Variants in EAF2 observed in about 807,000 individuals in gnomAD.
EAF2 encodes the protein ELL associated factor 2.
Under a neutral mutation model 29.4 loss-of-function variants are expected in EAF2, and 29 were observed. The ratio of observed to expected loss-of-function variants is 0.99; its 90% CI spans 0.73 to 1.35. The LOEUF (loss-of-function observed/expected upper bound fraction) is 1.35, where lower values mean the gene tolerates loss of function less well. EAF2 is among the 40% of genes most tolerant of loss of function. EAF2 has a pLI of 0.00. For synonymous variants in EAF2, 103 were observed against 102.5 expected, an observed-to-expected ratio of 1.00 and a Z score of -0.03; for missense variants, 292 against 312.0, an observed-to-expected ratio of 0.94 and a Z score of 0.48.
At chr3:121,853,159 C>T (rs934104840) in intron 2 of EAF2, among the ~76,000 whole-genome samples, 11 of 152,124 alleles carry the variant, frequency 7.2e-5, no homozygotes, top group Non-Finnish European at 4.4e-5. Context: ...TGTGCCATTT[C>T]ATCAATGCTT....
intron 5 of EAF2, among the ~76,000 whole-genome samples, chr3:121,882,785 T>TA (rs1324076110): frequency 2.1e-5 from 2 of 95,608 alleles, no homozygotes; most frequent in East Asian, 4.5e-4. Flanking sequence ...TGGGAGGTGG[T>TA]GGTTTTTTTT....
intron 4 of EAF2, among the ~76,000 whole-genome samples, chr3:121,862,403 A>G: frequency 6.6e-6 from 1 of 151,938 alleles, no homozygotes; most frequent in Admixed American, 6.6e-5. Flanking sequence ...TTCTCTTCTC[A>G]CTTCATTTCA....
intron 4 of EAF2, among the ~76,000 whole-genome samples, chr3:121,862,391 ACTT>A (rs1211976627): frequency 2.0e-5 from 3 of 151,878 alleles, no homozygotes; most frequent in Non-Finnish European, 4.4e-5. Flanking sequence ...TTTACTCTAA[ACTT>A]CTCTTCTCAC....
At chr3:121,835,519 G>A (rs1576631554) in intron 1 of EAF2, 128 bp downstream of exon 1, 2 of 804,248 alleles carry the variant, frequency 2.5e-6, no homozygotes, top group African/African-American at 3.4e-5. Flanking sequence ...GGGGAGGGGG[G>A]AGGCAGCGCG....
At chr3:121,847,833 A>G (rs1336395825) in intron 2 of EAF2, among the ~76,000 whole-genome samples, 1 of 152,140 alleles carries the variant, frequency 6.6e-6, no homozygotes, top group Non-Finnish European at 1.5e-5. Context: ...ATTAGTTTTT[A>G]GGAAGGCCTG....
In EAF2 at chr3:121,863,404, C is replaced by T. The variant is rs183969206; in HGVS notation, c.484+6248C>T. On this transcript the variant is annotated intron_variant, in intron 4 of 5. Transcript: ENST00000273668. Reference sequence around the variant, plus strand: ...CTACTCAAGTCTCAGCAATGGTGGACGCCCCTACCTCAGCCTCACTGCTGC... The same window carrying T: ...CTACTCAAGTCTCAGCAATGGTGGATGCCCCTACCTCAGCCTCACTGCTGC... Among the ~76,000 whole-genome samples the T allele has an allele frequency of 1.3e-3, 191 of 152,238 alleles. 2 individuals are homozygous for T. Among genetic ancestry groups the T allele is most frequent in the African/African-American group, 4.1e-3 (171 of 41,546 alleles).
intron 5 of EAF2, among the ~76,000 whole-genome samples, chr3:121,883,617 C>T (rs1336352099): frequency 6.6e-6 from 1 of 152,194 alleles, no homozygotes; most frequent in East Asian, 1.9e-4. Flanking sequence ...TCATCCATTG[C>T]AAGACATTTA....
intron 2 of EAF2, among the ~76,000 whole-genome samples, chr3:121,845,834 G>C (rs761336292): frequency 1.3e-5 from 2 of 152,144 alleles, no homozygotes; most frequent in Non-Finnish European, 2.9e-5. Flanking sequence ...AAAATTTCCA[G>C]ATGTATCCAA....
chr3:121,872,579 G>T lies in EAF2; in HGVS notation c.527G>T (p.Cys176Phe). 6.2e-7 allele frequency: 1 copy of T among 1,612,524 alleles called. No homozygotes were observed. The highest frequency in any genetic ancestry group is 8.5e-7 in the Non-Finnish European group (1 of 1,178,940). The change falls in exon 5 of 6, where the codon TGT (cysteine) becomes TTT (phenylalanine). Residue 176 changes from cysteine to phenylalanine, a missense_variant. Cys to Phe is a radical substitution (Grantham distance 205). Coordinates refer to ENST00000273668, the MANE Select transcript of EAF2 (RefSeq NM_018456.6). ...AGTCTAATGGACCAGATGAGTAGTTGTGATAGTTCATCAGATTCCAAAAGT... is the reference window on the plus strand; with the variant it reads ...AGTCTAATGGACCAGATGAGTAGTTTTGATAGTTCATCAGATTCCAAAAGT... ...EASLMDQMSSCDSSSDSKSSS... is the reference protein window; with the variant it reads ...EASLMDQMSSFDSSSDSKSSS...
chr3:121,835,465 T>G, intron 1 of EAF2, 74 bp downstream of exon 1: 1 of 1,373,368 alleles, frequency 7.3e-7, no homozygotes, highest in Non-Finnish European at 1.0e-6. Flanking sequence ...CCCCTCTGGG[T>G]TTTGTTCCCA....
At chr3:121,855,905 A>G (rs538507711) in intron 3 of EAF2, among the ~76,000 whole-genome samples, 1 of 152,336 alleles carries the variant, frequency 6.6e-6, no homozygotes, top group East Asian at 1.9e-4. Context: ...GCATGTTTAC[A>G]GTTTTGTTTT....
chr3:121,857,230 A>C, intron 4 of EAF2, 74 bp downstream of exon 4: 58 of 1,370,164 alleles, frequency 4.2e-5, no homozygotes, highest in Non-Finnish European at 5.4e-5. Flanking sequence ...ATGGTGGCTC[A>C]CACCTGTAAT....
intron 5 of EAF2, among the ~76,000 whole-genome samples, chr3:121,876,726 C>A (rs1031314919): frequency 2.0e-5 from 3 of 151,570 alleles, no homozygotes; most frequent in African/African-American, 7.3e-5. Flanking sequence ...TTAAGGGTAC[C>A]ATTTAATTAA....
chr3:121,836,569 G>T (rs1248701850), intron 1 of EAF2: 14 of 894,114 alleles, frequency 1.6e-5, no homozygotes, highest in African/African-American at 1.8e-5. Context: ...GAATAAATGG[G>T]TGAGATATTT....
Position 121,865,998 on chromosome 3 carries a change from G to A in EAF2, c.485-6539G>A, listed in dbSNP as rs115568070. Among the ~76,000 whole-genome samples, 981 of 152,194 alleles carry A rather than the reference G, an allele frequency of 6.4e-3. 12 individuals are homozygous for A. Among genetic ancestry groups the A allele is most frequent in the African/African-American group, 0.022 (924 of 41,522 alleles). On this transcript the variant is annotated intron_variant, in intron 4 of 5. Coordinates refer to ENST00000273668, the MANE Select transcript of EAF2 (RefSeq NM_018456.6). ...TCTAAAGACATCTTGAGACTGGATC[G>A]CACCAATAAAGGGGATCCTGCCACA...
rs567889323 is a variant in EAF2 at position 121,853,256 on chromosome 3, T to C, written c.202-1431T>C. Among the ~76,000 whole-genome samples, 3 of 152,256 alleles carry C rather than the reference T, an allele frequency of 2.0e-5. No individual in the cohort carries two copies. The South Asian group carries it at 6.2e-4, about 32-fold the overall frequency. ...AACATAATTGATAATACTTCGTCCA[T>C]AGTCACAATTTTGTGATGATCTCAA... is the stretch of plus-strand genomic sequence containing the variant. On this transcript the variant is annotated intron_variant, in intron 2 of 5. Transcript: ENST00000273668.
At position 121,872,688 on chromosome 3, in the gene EAF2, T is replaced by C; in HGVS notation, c.636T>C (p.Cys212=). 1 of 1,612,964 alleles carries C rather than the reference T, an allele frequency of 6.2e-7. No homozygotes were observed. Among genetic ancestry groups the C allele is most frequent in the Non-Finnish European group, 8.5e-7 (1 of 1,179,230 alleles). ...CCTCTACTTCTGATACAGGGAATTG[T>C]GTCTCAGGACATCCTACCATGACAC... ...CKSSTSDTGN[C]VSGHPTMTQY... is the part of the protein sequence containing the mutation. The change falls in exon 5 of 6, where the codon TGT becomes TGC. Residue 212 remains cysteine (C), a synonymous_variant. Transcript: ENST00000273668.
intron 1 of EAF2, 64 bp downstream of exon 1, chr3:121,835,455 C>T: frequency 1.4e-6 from 2 of 1,448,808 alleles, no homozygotes; most frequent in Non-Finnish European, 1.9e-6. Context: ...GAGGCACAAA[C>T]CCCTCTGGGT....
chr3:121,872,742 T>C lies in EAF2; in HGVS notation c.690T>C (p.Ser230=), dbSNP rs777339809. Residue 230 remains serine (S), a synonymous_variant, in exon 5 of 6, where the codon AGT becomes AGC. Transcript: ENST00000273668. ...ACAGGATTCCTGATATAGATGCCAG[T>C]CATAATAGATTTCGAGACAACAGTG... ...TQYRIPDIDA[S]HNRFRDNSGL... 1 of 1,612,400 alleles carries C rather than the reference T, an allele frequency of 6.2e-7. No individual in the cohort carries two copies. Among genetic ancestry groups the C allele is most frequent in the South Asian group, 1.1e-5 (1 of 90,962 alleles).
Sources: allele counts gnomAD v4.1 joint callset (sites outside exome capture counted in the v4.1 genomes callset), GRCh38; gene constraint gnomAD v4.1.1; transcripts MANE v1.5; gene names NCBI Gene and HGNC (gene_info 2026-07-23, HGNC 2026-07-21).